GALNT13: variants seen among roughly 807,000 people sequenced by gnomAD.
GALNT13 encodes the protein UDP-GalNAc:polypeptide N-acetylgalactosaminyltransferase 13.
A neutral mutation model predicts 64.2 loss-of-function variants in GALNT13; 28 were observed. The observed-to-expected ratio is 0.44, with a 90% confidence interval of 0.32 to 0.60. The LOEUF (loss-of-function observed/expected upper bound fraction) is 0.60. Ranked by LOEUF, GALNT13 falls within the 20% of genes least tolerant of loss-of-function variation. The pLI, the probability that GALNT13 is intolerant of heterozygous loss-of-function variation, is 0.05. For synonymous variants in GALNT13, 214 were observed against 224.6 expected (o/e 0.95, Z 0.42); for missense variants, 577 against 669.8 (o/e 0.86, Z 1.53).
rs973790455 is a variant in GALNT13, at chr2:153,950,515, A to T, written c.142+5876A>T. On this transcript the variant is annotated intron_variant, in intron 3 of 12. Transcript: ENST00000392825. Reference sequence around the variant, plus strand: ...CATTTTTATAATAACTTCAGATAACAGTTGGACATTATCTCTGAAATCTGA... The same window carrying T: ...CATTTTTATAATAACTTCAGATAACTGTTGGACATTATCTCTGAAATCTGA... Among the ~76,000 whole-genome samples the T allele has an allele frequency of 2.6e-5, 4 of 152,122 alleles. 1 individual carries two copies. The highest frequency in any genetic ancestry group is 4.8e-5 in the African/African-American group (2 of 41,456).
At chr2:154,207,795 T>C (rs1687543995) in intron 4 of GALNT13, among the ~76,000 whole-genome samples, 1 of 152,192 alleles carries the variant, frequency 6.6e-6, no homozygotes, top group Non-Finnish European at 1.5e-5. Flanking sequence ...GGTCTAAACC[T>C]TTATCATTCA....
At chr2:153,536,425 G>A in the GALNT13 span, among the ~76,000 whole-genome samples, 1 of 151,768 alleles carries the variant, frequency 6.6e-6, no homozygotes, top group Non-Finnish European at 1.5e-5. Context: ...TTTCCCTATT[G>A]CCTCATTTCT....
At chr2:153,091,219 C>T in the GALNT13 span, among the ~76,000 whole-genome samples, 1 of 152,078 alleles carries the variant, frequency 6.6e-6, no homozygotes, top group Non-Finnish European at 1.5e-5. Context: ...GTGCTGGCTG[C>T]CTTCCCCAAG....
chr2:153,421,653 C>T, the GALNT13 span: 25 of 271,680 alleles, frequency 9.2e-5, no homozygotes, highest in African/African-American at 5.4e-4. Flanking sequence ...CGTGATGCCC[C>T]CAGGCATAGT....
At chr2:153,237,260 TACAG>T in the GALNT13 span, among the ~76,000 whole-genome samples, 3 of 152,090 alleles carry the variant, frequency 2.0e-5, no homozygotes, top group Non-Finnish European at 4.4e-5. Context: ...AGATATTTGA[TACAG>T]ACATACAATG....
the GALNT13 span, among the ~76,000 whole-genome samples, chr2:153,377,890 T>G: frequency 6.6e-6 from 1 of 152,146 alleles, no homozygotes; most frequent in African/African-American, 2.4e-5. Flanking sequence ...TGCAAATTAC[T>G]TTTCTTAAAT....
At chr2:154,056,945 C>A in intron 3 of GALNT13, among the ~76,000 whole-genome samples, 1 of 151,754 alleles carries the variant, frequency 6.6e-6, no homozygotes, top group South Asian at 2.1e-4. Context: ...TTTTTCATTT[C>A]TCTTACTACC....
chr2:153,944,593 C>T lies in GALNT13; in HGVS notation c.96C>T (p.Asn32=). The change falls in exon 3 of 13, where the codon AAC becomes AAT. Residue 32 remains asparagine, a synonymous_variant. Transcript: ENST00000392825. ...VFLLLYFSEC[N]KCDDKKERSL... ...TACTGCTGTACTTCAGTGAATGTAA[C>T]AAATGTGATGACAAGAAGGAGAGAT... 6.2e-7 allele frequency: 1 copy of T among 1,613,508 alleles called. No homozygotes were observed. Among genetic ancestry groups the T allele is most frequent in the Non-Finnish European group, 8.5e-7 (1 of 1,179,604 alleles).
chr2:154,192,045 G>A (rs749623666), intron 4 of GALNT13, among the ~76,000 whole-genome samples: 8 of 152,136 alleles, frequency 5.3e-5, no homozygotes, highest in Non-Finnish European at 1.0e-4. Context: ...GAAAGGAGAT[G>A]GAGTGGGAAA....
the GALNT13 span, among the ~76,000 whole-genome samples, chr2:153,375,246 C>CT: frequency 1.3e-5 from 2 of 152,050 alleles, no homozygotes; most frequent in Non-Finnish European, 2.9e-5. Context: ...TTTTCCTACA[C>CT]TTTTTTATGG....
At chr2:154,016,859 T>A (rs72993690) in intron 3 of GALNT13, among the ~76,000 whole-genome samples, 8,440 of 152,266 alleles carry the variant, frequency 0.055, 349 homozygotes, top group South Asian at 0.13. Context: ...ATGTAAATGA[T>A]CATTGTTGAA....
chr2:153,843,513 T>C, the GALNT13 span, among the ~76,000 whole-genome samples: 9 of 152,276 alleles, frequency 5.9e-5, no homozygotes, highest in East Asian at 1.7e-3. Context: ...GAGACTACTA[T>C]CCAAACGATA....
At chr2:153,323,362 T>C in the GALNT13 span, among the ~76,000 whole-genome samples, 1 of 152,216 alleles carries the variant, frequency 6.6e-6, no homozygotes, top group African/African-American at 2.4e-5. Context: ...TAAATTTGTT[T>C]AAGTTCTTAG....
At chr2:153,635,726 A>T in the GALNT13 span, among the ~76,000 whole-genome samples, 1 of 152,054 alleles carries the variant, frequency 6.6e-6, no homozygotes, top group Admixed American at 6.6e-5. Flanking sequence ...CACTAATTTT[A>T]TGCTACTGAC....
chr2:154,380,997 G>C (rs1698242873), intron 9 of GALNT13, among the ~76,000 whole-genome samples: 1 of 152,040 alleles, frequency 6.6e-6, no homozygotes, highest in Admixed American at 6.6e-5. Flanking sequence ...GAAATGCAGA[G>C]AGTAAATAGA....
intron 2 of GALNT13, among the ~76,000 whole-genome samples, chr2:153,934,944 G>C (rs928152564): frequency 4.6e-5 from 7 of 152,142 alleles, no homozygotes; most frequent in African/African-American, 1.4e-4. Flanking sequence ...CTTTGATCAT[G>C]TTGGCTTCTG....
chr2:153,515,464 A>C, the GALNT13 span, among the ~76,000 whole-genome samples: 8 of 152,228 alleles, frequency 5.3e-5, no homozygotes, highest in Admixed American at 1.3e-4. Context: ...ATCAGCAAGC[A>C]CTGAACAATC....
At chr2:153,837,460 G>A in the GALNT13 span, among the ~76,000 whole-genome samples, 8 of 152,054 alleles carry the variant, frequency 5.3e-5, no homozygotes, top group South Asian at 1.4e-3. Context: ...GTTTCTATGA[G>A]TTCAGCATTT....
At chr2:154,174,000 A>C (rs1685510177) in intron 4 of GALNT13, among the ~76,000 whole-genome samples, 1 of 152,164 alleles carries the variant, frequency 6.6e-6, no homozygotes. Flanking sequence ...AAAAATCTAA[A>C]AGGAAAACCA....
Sources: gnomAD v4.1 joint callset for allele counts (sites outside exome capture counted in the v4.1 genomes callset) on GRCh38, gnomAD v4.1.1 for gene constraint, MANE v1.5 for transcripts, NCBI Gene and HGNC (gene_info 2026-07-23, HGNC 2026-07-21) for gene names.